Variants in SMG1 observed in about 807,000 individuals in gnomAD.
The protein encoded by SMG1 is SMG1 nonsense mediated mRNA decay associated PI3K related kinase, also known as serine/threonine-protein kinase SMG1.
Under a neutral mutation model 419.9 loss-of-function variants are expected in SMG1, and 22 were observed. The ratio of observed to expected loss-of-function variants is 0.05; its 90% CI spans 0.04 to 0.07. SMG1 has a LOEUF of 0.07. Among genes scored for constraint, SMG1 ranks in the 10% least tolerant of loss-of-function variants. The pLI, the probability that SMG1 is intolerant of heterozygous loss-of-function variation, is 1.00. For synonymous variants in SMG1, 1,538 were observed against 1,553.5 expected (o/e 0.99, Z 0.23); for missense variants, 3,185 against 4,342.0 (o/e 0.73, Z 7.49).
At chr16:18,888,392 G>A (rs1316719978) in intron 6 of SMG1, among the ~76,000 whole-genome samples, 1 of 150,866 alleles carries the variant, frequency 6.6e-6, no homozygotes, top group Non-Finnish European at 1.5e-5. Context: ...CATTCCTAGT[G>A]GAGTTCCTAT....
rs77185589 is a variant in SMG1 at position 18,906,375 on chromosome 16, C to T, written c.93-9419G>A. On this transcript the variant is annotated intron_variant, in intron 1 of 62. Transcript: ENST00000446231. ...GTGCGCACCTGTAATTCCAGCTACA[C>T]GGGAGACTGACACAGGAGAATCGCT... Among the ~76,000 whole-genome samples the T allele has an allele frequency of 4.9e-3, 744 of 152,044 alleles. 8 individuals are homozygous for T. The highest frequency in any genetic ancestry group is 0.017 in the African/African-American group (704 of 41,446).
chr16:18,836,813 C>G (rs903775125), intron 46 of SMG1, among the ~76,000 whole-genome samples: 1 of 152,212 alleles, frequency 6.6e-6, no homozygotes, highest in African/African-American at 2.4e-5. Context: ...GAGAGCCTCA[C>G]ACAATGCTTG....
At chr16:18,855,906 T>G (rs8050953) in intron 29 of SMG1, among the ~76,000 whole-genome samples, 2 of 152,250 alleles carry the variant, frequency 1.3e-5, no homozygotes, top group Non-Finnish European at 2.9e-5. Context: ...CCCAAACTCC[T>G]GAATTCAGCT....
chr16:18,858,775 A>T (rs2035054889), intron 28 of SMG1: 1 of 390,044 alleles, frequency 2.6e-6, no homozygotes, highest in Non-Finnish European at 4.6e-6. Context: ...TACATACACC[A>T]CCTCCCACCC....
chr16:18,921,686 A>C (rs1363907233), intron 1 of SMG1, among the ~76,000 whole-genome samples: 2 of 152,206 alleles, frequency 1.3e-5, no homozygotes, highest in Non-Finnish European at 2.9e-5. Flanking sequence ...CGTATTATGT[A>C]CCTATGGACA....
Position 18,827,691 on chromosome 16 carries a change from T to C in SMG1, c.9741+340A>G, listed in dbSNP as rs890977616. ...TTTATATATATTTGGTATAAATATA[T>C]CTAAATATATATTTTATATATATAT... On this transcript the variant is annotated intron_variant, in intron 55 of 62. Transcript: ENST00000446231. Among the ~76,000 whole-genome samples the C allele has an allele frequency of 8.5e-5, 12 of 140,918 alleles. No individual in the cohort carries two copies. In the Admixed American group the frequency reaches 8.6e-4, roughly 10 times the overall value. 92.4% of individuals were successfully genotyped at this position (140,918 alleles called of 152,430 possible).
intron 26 of SMG1, among the ~76,000 whole-genome samples, chr16:18,860,151 G>A (rs989512941): frequency 8.5e-5 from 13 of 152,208 alleles, no homozygotes; most frequent in African/African-American, 2.9e-4. Flanking sequence ...TCAGAGGGCA[G>A]AGGCTGCAGT....
intron 22 of SMG1, among the ~76,000 whole-genome samples, chr16:18,867,217 A>G (rs1411515621): frequency 1.3e-5 from 2 of 152,190 alleles, no homozygotes; most frequent in African/African-American, 4.8e-5. Flanking sequence ...GAATTACTCA[A>G]GCATTTGTCA....
rs2091167984 is a variant in SMG1 at position 18,807,453 on chromosome 16, G to C, written c.*2116C>G. 6.6e-6 allele frequency: 1 copy of C among 152,010 alleles called. No individual in the cohort carries two copies. The highest frequency in any genetic ancestry group is 2.4e-5 in the African/African-American group (1 of 41,348). The allele number at this position is 152,010 out of a possible 1,614,324, so 9.4% of individuals were successfully genotyped here. The stretch of plus-strand genomic sequence containing the variant: ...GAAAATAAGGTTCCAAATGAATGAA[G>C]AAAACAAAATTTGATGCGCTAGGTT... On this transcript the variant is annotated 3_prime_UTR_variant, in exon 63 of 63. Coordinates refer to ENST00000446231, the MANE Select transcript of SMG1 (RefSeq NM_015092.5).
chr16:18,897,370 A>T (rs1188298272), intron 1 of SMG1, among the ~76,000 whole-genome samples: 1 of 152,134 alleles, frequency 6.6e-6, no homozygotes, highest in Non-Finnish European at 1.5e-5. Context: ...TCAGTCAAAA[A>T]ATTTCAGCCT....
chr16:18,865,600 A>G (rs2035456338), intron 23 of SMG1, among the ~76,000 whole-genome samples: 1 of 152,236 alleles, frequency 6.6e-6, no homozygotes, highest in East Asian at 1.9e-4. Context: ...ATATTAAATT[A>G]TGGTACACTC....
intron 57 of SMG1, 133 bp downstream of exon 57, chr16:18,817,158 T>G: frequency 1.8e-6 from 1 of 565,142 alleles, no homozygotes; most frequent in Non-Finnish European, 2.7e-6. Flanking sequence ...ATCATCACTG[T>G]CCCCCCGCCC....
intron 1 of SMG1, among the ~76,000 whole-genome samples, chr16:18,910,887 A>G (rs2037766452): frequency 1.3e-5 from 2 of 152,192 alleles, no homozygotes; most frequent in Non-Finnish European, 2.9e-5. Flanking sequence ...CCAGAGGGAA[A>G]AAAGCAATTC....
intron 1 of SMG1, among the ~76,000 whole-genome samples, chr16:18,909,201 G>C (rs904373971): frequency 1.3e-5 from 2 of 151,694 alleles, no homozygotes; most frequent in African/African-American, 4.8e-5. Flanking sequence ...AATTAGCCAG[G>C]TGTGGTGGTG....
intron 38 of SMG1, among the ~76,000 whole-genome samples, 189 bp from the exon 39 acceptor site, chr16:18,845,840 AGAG>A (rs2034231069): frequency 6.6e-6 from 1 of 152,004 alleles, no homozygotes; most frequent in African/African-American, 2.4e-5. Flanking sequence ...TTTTGGAGAC[AGAG>A]TTTTGCTCTG....
chr16:18,808,910 G>A lies in SMG1; in HGVS notation c.*659C>T, dbSNP rs193016842. On this transcript the variant is annotated 3_prime_UTR_variant, in exon 63 of 63. Coordinates refer to ENST00000446231, the MANE Select transcript of SMG1 (RefSeq NM_015092.5). The stretch of plus-strand genomic sequence containing the variant: ...GGTAAAGGGGGAACGGGTAAGTGGT[G>A]GGGAGGAGTAGGGAACGATGGGGTG... 16 of 152,706 alleles carry A rather than the reference G, an allele frequency of 1.0e-4. No homozygotes were observed. The East Asian group carries it at 2.5e-3, about 24-fold the overall frequency. The allele number at this position is 152,706 out of a possible 1,614,324, so 9.5% of individuals were successfully genotyped here. A position where few individuals can be genotyped will look rare whatever the true frequency, so the allele number is the denominator to read the frequency against.
chr16:18,855,363 C>G (rs2034839507), intron 29 of SMG1, among the ~76,000 whole-genome samples: 1 of 152,218 alleles, frequency 6.6e-6, no homozygotes, highest in East Asian at 1.9e-4. Flanking sequence ...CCTAGGCTCT[C>G]TACTTTTCCC....
intron 29 of SMG1, 32 bp downstream of exon 29, chr16:18,858,138 A>G (rs779261189): frequency 6.6e-7 from 1 of 1,521,926 alleles, no homozygotes; most frequent in East Asian, 2.5e-5. Flanking sequence ...AACACCTTTA[A>G]TTTTCTCTTA....
rs548066711 is a variant in SMG1, at chr16:18,871,327, A to G, written c.2302+37T>C. The G allele has an allele frequency of 2.4e-5, 26 of 1,087,488 alleles. No individual in the cohort carries two copies. The East Asian group carries it at 5.1e-4, about 21-fold the overall frequency. 67.4% of individuals were successfully genotyped at this position (1,087,488 alleles called of 1,614,324 possible). On this transcript the variant is annotated intron_variant, in intron 16 of 62. Transcript: ENST00000446231. Reference sequence around the variant, plus strand: ...ACCAAAGACCCTTTTAAGGATTGATAAACAAAATAGAAAAAAAAAAAAAAA... The same window carrying G: ...ACCAAAGACCCTTTTAAGGATTGATGAACAAAATAGAAAAAAAAAAAAAAA...
Sources: gnomAD v4.1 joint callset for allele counts (sites outside exome capture counted in the v4.1 genomes callset) on GRCh38, gnomAD v4.1.1 for gene constraint, MANE v1.5 for transcripts, NCBI Gene and HGNC (gene_info 2026-07-23, HGNC 2026-07-21) for gene names.